Variants in KATNIP observed in about 807,000 individuals in gnomAD.
KATNIP encodes katanin-interacting protein.
Under a neutral mutation model 174.0 loss-of-function variants are expected in KATNIP, and 126 were observed. The observed-to-expected ratio is 0.72, with a 90% confidence interval of 0.63 to 0.84. The LOEUF (loss-of-function observed/expected upper bound fraction) is 0.84, where lower values mean the gene tolerates loss of function less well. Ranked by LOEUF, KATNIP falls within the 40% of genes least tolerant of loss-of-function variation. KATNIP has a pLI of 0.00. For missense variants in KATNIP, 1,958 were observed against 2,109.7 expected (o/e 0.93, Z 1.41); for synonymous variants, 810 against 835.7 (o/e 0.97, Z 0.53).
chr16:27,586,918 C>CTT (rs1370923352), intron 2 of KATNIP, among the ~76,000 whole-genome samples: 2 of 136,744 alleles, frequency 1.5e-5, no homozygotes, highest in Middle Eastern at 7.8e-3. Flanking sequence ...ACTTCTTCTT[C>CTT]TTTTTTTTTT....
At chr16:27,758,351 A>G (rs1177550401) in intron 18 of KATNIP, among the ~76,000 whole-genome samples, 1 of 151,978 alleles carries the variant, frequency 6.6e-6, no homozygotes. Context: ...TGGTAGTGCT[A>G]TCTCTGAAAC....
At chr16:27,712,533 T>A (rs1329341669) in intron 13 of KATNIP, among the ~76,000 whole-genome samples, 2 of 152,054 alleles carry the variant, frequency 1.3e-5, no homozygotes, top group African/African-American at 4.8e-5. Flanking sequence ...ACAGCTGAGG[T>A]ACCTAGAAGC....
At chr16:27,703,427 G>A (rs1046552180) in intron 11 of KATNIP, among the ~76,000 whole-genome samples, 1 of 152,240 alleles carries the variant, frequency 6.6e-6, no homozygotes, top group Non-Finnish European at 1.5e-5. Flanking sequence ...CAGCCCAGGA[G>A]TCAGCAAATT....
intron 2 of KATNIP, among the ~76,000 whole-genome samples, chr16:27,609,501 C>A (rs1225402744): frequency 7.3e-6 from 1 of 136,270 alleles, no homozygotes; most frequent in Non-Finnish European, 1.5e-5. Flanking sequence ...TACCATTCTT[C>A]TGTCTCAGCC....
chr16:27,620,806 G>A (rs1251476653), intron 3 of KATNIP, among the ~76,000 whole-genome samples: 1 of 152,204 alleles, frequency 6.6e-6, no homozygotes, highest in Non-Finnish European at 1.5e-5. Flanking sequence ...CCCATAAGAA[G>A]CAGGGCAACA....
At chr16:27,701,767 T>C in intron 11 of KATNIP, 72 bp downstream of exon 11, 2 of 1,048,578 alleles carry the variant, frequency 1.9e-6, no homozygotes, top group Non-Finnish European at 2.9e-6. Flanking sequence ...TCATGAGGGT[T>C]CTTTGCTTTT....
chr16:27,711,741 C>G (rs1692732533), intron 13 of KATNIP, among the ~76,000 whole-genome samples: 1 of 152,206 alleles, frequency 6.6e-6, no homozygotes, highest in Non-Finnish European at 1.5e-5. Context: ...AAGATTGCCA[C>G]TCAAACGGCG....
chr16:27,550,960 A>G (rs1160837313), intron 1 of KATNIP, among the ~76,000 whole-genome samples: 4 of 152,168 alleles, frequency 2.6e-5, no homozygotes, highest in African/African-American at 9.7e-5. Flanking sequence ...TGAGGCTGTA[A>G]CTGAAAATCA....
chr16:27,662,733 A>G (rs1420197269), intron 6 of KATNIP, among the ~76,000 whole-genome samples: 1 of 152,244 alleles, frequency 6.6e-6, no homozygotes, highest in African/African-American at 2.4e-5. Flanking sequence ...TTCTGAATCA[A>G]TATTAGAATA....
Position 27,677,859 on chromosome 16 carries a change from G to A in KATNIP, c.671G>A (p.Gly224Asp), listed in dbSNP as rs760177947. The A allele has an allele frequency of 1.1e-5, 18 of 1,614,072 alleles. No individual in the cohort carries two copies. The highest frequency in any genetic ancestry group is 1.1e-4 in the East Asian group (5 of 44,888). ...EPEPEDPALV[G>D]HPRHDRPPSS... ...GAGCCAGAGGACCCGGCACTGGTGG[G>A]CCATCCCAGACATGACCGCCCTCCT... The change falls in exon 7 of 28, where the codon GGC (glycine) becomes GAC (aspartate). Residue 224 changes from glycine to aspartate, a missense_variant. Physicochemically the swap from Gly to Asp is moderately conservative, Grantham distance 94. Transcript: ENST00000261588.
intron 13 of KATNIP, among the ~76,000 whole-genome samples, chr16:27,709,964 C>T (rs547226708): frequency 1.3e-5 from 2 of 152,284 alleles, no homozygotes; most frequent in Non-Finnish European, 2.9e-5. Context: ...AAGTTCATAT[C>T]GGGCAGCCTG....
chr16:27,697,494 T>G (rs928993172), intron 8 of KATNIP, among the ~76,000 whole-genome samples: 7 of 152,028 alleles, frequency 4.6e-5, no homozygotes, highest in Non-Finnish European at 1.0e-4. Flanking sequence ...GATAGTACAC[T>G]GACGCTTCCA....
At chr16:27,694,413 A>T (rs2078844734) in intron 8 of KATNIP, among the ~76,000 whole-genome samples, 1 of 152,192 alleles carries the variant, frequency 6.6e-6, no homozygotes, top group African/African-American at 2.4e-5. Flanking sequence ...AAGATGTCAT[A>T]CCTGTAAATT....
intron 14 of KATNIP, among the ~76,000 whole-genome samples, chr16:27,724,785 G>A (rs1471311813): frequency 2.6e-5 from 4 of 152,204 alleles, no homozygotes; most frequent in African/African-American, 7.2e-5. Flanking sequence ...AGAGTTTATA[G>A]GAAATATAGC....
chr16:27,730,047 T>C (rs2080606763), intron 14 of KATNIP, among the ~76,000 whole-genome samples: 1 of 152,172 alleles, frequency 6.6e-6, no homozygotes, highest in Non-Finnish European at 1.5e-5. Context: ...CCCTGCAAGC[T>C]CATGCCCAGG....
intron 1 of KATNIP, among the ~76,000 whole-genome samples, chr16:27,562,895 G>A (rs2141608834): frequency 6.6e-6 from 1 of 152,356 alleles, no homozygotes; most frequent in East Asian, 1.9e-4. Flanking sequence ...CCCAGAAAGA[G>A]CAGGGGGAAG....
intron 15 of KATNIP, among the ~76,000 whole-genome samples, chr16:27,744,927 CATAAA>C (rs200871810): frequency 0.01 from 1,559 of 151,876 alleles, 28 homozygotes; most frequent in African/African-American, 0.036. Context: ...AAAATAAAAT[CATAAA>C]ATAAATAATA....
At chr16:27,614,394 C>T (rs1235027779) in intron 2 of KATNIP, among the ~76,000 whole-genome samples, 1 of 152,202 alleles carries the variant, frequency 6.6e-6, no homozygotes, top group Non-Finnish European at 1.5e-5. Context: ...CTCCTGATCT[C>T]AGGTGATCCA....
intron 5 of KATNIP, among the ~76,000 whole-genome samples, chr16:27,634,483 T>TGGGAAGGTGGGGTATCAGCATC (rs1567233544): frequency 6.6e-6 from 1 of 152,152 alleles, no homozygotes; most frequent in Non-Finnish European, 1.5e-5. Context: ...AGGACACCAT[T>TGGGAAGGTGGGGTATCAGCATC]GGGAAGGTGG....
Sources: allele counts gnomAD v4.1 joint callset (sites outside exome capture counted in the v4.1 genomes callset), GRCh38; gene constraint gnomAD v4.1.1; transcripts MANE v1.5; gene names NCBI Gene and HGNC (gene_info 2026-07-23, HGNC 2026-07-21).